Variants in GRM8 observed in about 807,000 individuals in gnomAD.
The protein encoded by GRM8 is glutamate metabotropic receptor 8.
In GRM8, 47 loss-of-function variants were observed where a neutral mutation model predicts 87.2. That is an observed-to-expected ratio of 0.54 (90% CI 0.43 to 0.69). GRM8 has a LOEUF of 0.69. Ranked by LOEUF, GRM8 falls within the 30% of genes least tolerant of loss-of-function variation. The probability of loss-of-function intolerance (pLI) is 0.00; values close to 1 mark genes in which losing one functional copy is unlikely to be tolerated. For synonymous variants in GRM8, 396 were observed against 404.5 expected (o/e 0.98, Z 0.25); for missense variants, 1,019 against 1,139.2 (o/e 0.89, Z 1.52).
chr7:126,791,633 T>A (rs758546923), intron 6 of GRM8, among the ~76,000 whole-genome samples: 2 of 152,236 alleles, frequency 1.3e-5, no homozygotes, highest in Non-Finnish European at 2.9e-5. Flanking sequence ...TTCAAAAGCA[T>A]AGGCCTTAAA....
chr7:127,053,800 G>T (rs1216697328), intron 3 of GRM8, among the ~76,000 whole-genome samples: 1 of 136,232 alleles, frequency 7.3e-6, no homozygotes, highest in Admixed American at 7.2e-5. Context: ...AAAAAAAAAG[G>T]GGGGGGGGAA....
At chr7:126,562,623 G>C (rs945855340) in intron 8 of GRM8, among the ~76,000 whole-genome samples, 3 of 152,198 alleles carry the variant, frequency 2.0e-5, no homozygotes. Context: ...TGCCCGGCGT[G>C]GTGGCTCACG....
chr7:126,580,507 T>C (rs1193611964), intron 8 of GRM8, among the ~76,000 whole-genome samples: 1 of 152,166 alleles, frequency 6.6e-6, no homozygotes, highest in African/African-American at 2.4e-5. Context: ...AGATTGATCA[T>C]GAGCTCCACC....
intron 8 of GRM8, among the ~76,000 whole-genome samples, chr7:126,563,715 G>A (rs1288768523): frequency 6.6e-6 from 1 of 152,180 alleles, no homozygotes; most frequent in East Asian, 1.9e-4. Context: ...AACCACTTGT[G>A]GAGACTGCTG....
intron 2 of GRM8, among the ~76,000 whole-genome samples, chr7:127,237,560 A>G (rs1798047733): frequency 6.6e-6 from 1 of 152,236 alleles, no homozygotes; most frequent in Non-Finnish European, 1.5e-5. Context: ...GCTTCTCAGT[A>G]TTTCATTGAC....
intron 6 of GRM8, among the ~76,000 whole-genome samples, chr7:126,847,978 G>A (rs544434638): frequency 2.6e-5 from 4 of 152,274 alleles, no homozygotes; most frequent in Admixed American, 2.6e-4. Context: ...AGCATAAAAT[G>A]GAGAGGAGAT....
intron 3 of GRM8, among the ~76,000 whole-genome samples, chr7:127,017,618 G>A (rs1815815503): frequency 6.6e-6 from 1 of 152,080 alleles, no homozygotes; most frequent in Non-Finnish European, 1.5e-5. Flanking sequence ...GAGATGGGGA[G>A]CTGATGCATG....
chr7:126,673,235 C>A (rs1022127124), intron 7 of GRM8, among the ~76,000 whole-genome samples: 2 of 152,102 alleles, frequency 1.3e-5, no homozygotes, highest in African/African-American at 4.8e-5. Context: ...CCAACAAAAC[C>A]CTCCTTACTC....
chr7:126,544,661 C>T (rs1438956872), intron 8 of GRM8, among the ~76,000 whole-genome samples: 1 of 152,008 alleles, frequency 6.6e-6, no homozygotes, highest in Non-Finnish European at 1.5e-5. Flanking sequence ...AGGTGCACGC[C>T]ACCACGCCCT....
At chr7:126,529,307 A>G (rs1814423354) in intron 9 of GRM8, among the ~76,000 whole-genome samples, 1 of 152,238 alleles carries the variant, frequency 6.6e-6, no homozygotes, top group Non-Finnish European at 1.5e-5. Context: ...ATATTAGCTC[A>G]TTGAATAGGC....
chr7:127,021,486 T>C (rs753655997), intron 3 of GRM8, among the ~76,000 whole-genome samples: 2 of 152,078 alleles, frequency 1.3e-5, no homozygotes, highest in Non-Finnish European at 2.9e-5. Context: ...TAACTATATG[T>C]TACTTCTCAA....
At chr7:126,595,410 TTTATTTTATTTTATTTTA>T (rs1333479179) in intron 8 of GRM8, among the ~76,000 whole-genome samples, 1 of 119,792 alleles carries the variant, frequency 8.3e-6, no homozygotes, top group East Asian at 2.8e-4. Context: ...TTTATTTTAT[TTTATTTTATTTTATTTTA>T]TTATTTTATT....
rs372793082 is a variant in GRM8, at chr7:127,107,188, C to T, written c.511-476G>A. Among the ~76,000 whole-genome samples, 194 of 152,266 alleles carry T rather than the reference C, an allele frequency of 1.3e-3. 1 individual carries two copies. The highest frequency in any genetic ancestry group is 4.4e-3 in the African/African-American group (184 of 41,560). ...GATTTTTTTATACTTGATACCATTT[C>T]AGTCTTAAGACTATATTTTTAGTAA... is the stretch of plus-strand genomic sequence containing the variant. On this transcript the variant is annotated intron_variant, in intron 2 of 10. Coordinates refer to ENST00000339582, the MANE Select transcript of GRM8 (RefSeq NM_000845.3).
intron 2 of GRM8, among the ~76,000 whole-genome samples, chr7:127,138,440 C>G (rs1181683626): frequency 6.6e-6 from 1 of 152,090 alleles, no homozygotes; most frequent in Non-Finnish European, 1.5e-5. Flanking sequence ...ACAAGAAATA[C>G]TGCTCCAGCC....
chr7:126,562,755 G>T (rs765930076), intron 8 of GRM8, among the ~76,000 whole-genome samples: 1 of 152,082 alleles, frequency 6.6e-6, no homozygotes, highest in African/African-American at 2.4e-5. Context: ...AAAGTTAGCC[G>T]GTGTGGTGGC....
At chr7:126,884,125 G>A (rs577954492) in intron 6 of GRM8, among the ~76,000 whole-genome samples, 16 of 152,084 alleles carry the variant, frequency 1.1e-4, no homozygotes, top group African/African-American at 3.4e-4. Flanking sequence ...CATGAGCACT[G>A]GTTAACACTA....
intron 3 of GRM8, among the ~76,000 whole-genome samples, chr7:126,916,415 T>C (rs2131329236): frequency 6.6e-6 from 1 of 152,352 alleles, no homozygotes; most frequent in East Asian, 1.9e-4. Context: ...CATATCCATG[T>C]TTTAAAACCA....
intron 3 of GRM8, among the ~76,000 whole-genome samples, chr7:127,087,659 T>A (rs1443062642): frequency 6.6e-6 from 1 of 152,212 alleles, no homozygotes; most frequent in East Asian, 1.9e-4. Context: ...GCAAGATGAA[T>A]AAGCTCTAGA....
At chr7:127,129,894 G>A (rs1038201026) in intron 2 of GRM8, among the ~76,000 whole-genome samples, 2 of 152,170 alleles carry the variant, frequency 1.3e-5, no homozygotes, top group East Asian at 1.9e-4. Flanking sequence ...TGGCAGGTCA[G>A]GAAGAACGAT....
Sources: allele counts gnomAD v4.1 joint callset (sites outside exome capture counted in the v4.1 genomes callset), GRCh38; gene constraint gnomAD v4.1.1; transcripts MANE v1.5; gene names NCBI Gene and HGNC (gene_info 2026-07-23, HGNC 2026-07-21).